Variants in ARPP19 observed in about 807,000 individuals in gnomAD.
ARPP19 encodes cAMP-regulated phosphoprotein 19.
ARPP19 carries 8 observed loss-of-function variants against 12.0 expected under a neutral mutation model. The ratio of observed to expected loss-of-function variants is 0.67; its 90% CI spans 0.39 to 1.21. The LOEUF is 1.21. ARPP19 is among the 50% of genes most tolerant of loss of function. The pLI is 0.01. For missense variants in ARPP19, 102 were observed against 136.3 expected (o/e 0.75, Z 1.25); for synonymous variants, 47 against 50.4 (o/e 0.93, Z 0.29).
chr15:52,564,150 A>C, intron 1 of ARPP19: 1 of 1,437,328 alleles, frequency 7.0e-7, no homozygotes, highest in Non-Finnish European at 9.5e-7. Context: ...AACTGCTAAG[A>C]CGGCTAAGAG....
At chr15:52,559,587 A>G (rs2078013745) in intron 1 of ARPP19, among the ~76,000 whole-genome samples, 1 of 152,150 alleles carries the variant, frequency 6.6e-6, no homozygotes, top group Non-Finnish European at 1.5e-5. Context: ...TTTTAGCTAT[A>G]TGTGATTTTT....
chr15:52,554,910 A>C (rs1189745209), intron 2 of ARPP19, among the ~76,000 whole-genome samples: 1 of 152,126 alleles, frequency 6.6e-6, no homozygotes, highest in African/African-American at 2.4e-5. Context: ...GTACAACACA[A>C]GAAGAGACCT....
chr15:52,558,151 G>GA (rs917994504), intron 1 of ARPP19, among the ~76,000 whole-genome samples: 94 of 152,190 alleles, frequency 6.2e-4, no homozygotes, highest in African/African-American at 2.2e-3. Flanking sequence ...TACTGCAGAA[G>GA]AATTAATCAA....
chr15:52,556,222 A>G (rs1471048092), intron 2 of ARPP19, among the ~76,000 whole-genome samples: 1 of 152,284 alleles, frequency 6.6e-6, no homozygotes, highest in African/African-American at 2.4e-5. Context: ...CGATATCAGT[A>G]TATGAATGTA....
chr15:52,563,466 A>G (rs1446118230), intron 1 of ARPP19, among the ~76,000 whole-genome samples: 2 of 152,210 alleles, frequency 1.3e-5, no homozygotes, highest in African/African-American at 4.8e-5. Context: ...TCTTAAGAAC[A>G]GTATTTTTAA....
At chr15:52,559,404 C>T (rs572685168) in intron 1 of ARPP19, among the ~76,000 whole-genome samples, 1 of 152,280 alleles carries the variant, frequency 6.6e-6, no homozygotes, top group African/African-American at 2.4e-5. Flanking sequence ...TTTAAAATCT[C>T]AGCCCGTACA....
intron 1 of ARPP19, chr15:52,568,529 G>T: frequency 3.0e-6 from 1 of 328,224 alleles, no homozygotes; most frequent in Non-Finnish European, 5.5e-6. Context: ...TAACCAAATT[G>T]AGGCTTACAG....
At chr15:52,564,295 T>G in intron 1 of ARPP19, 79 of 1,316,642 alleles carry the variant, frequency 6.0e-5, no homozygotes, top group Non-Finnish European at 7.8e-5. Flanking sequence ...ACACCTGCAG[T>G]CCCAGCTACT....
In ARPP19 at chr15:52,551,777, T is replaced by C; in HGVS notation, c.*157A>G. 1 of 624,290 alleles carries C rather than the reference T, an allele frequency of 1.6e-6. No homozygotes were observed. Among genetic ancestry groups the C allele is most frequent in the Non-Finnish European group, 2.8e-6 (1 of 352,944 alleles). 38.7% of individuals were successfully genotyped at this position (624,290 alleles called of 1,614,324 possible). A position where few individuals can be genotyped will look rare whatever the true frequency, so the allele number is the denominator to read the frequency against. On this transcript the variant is annotated 3_prime_UTR_variant, in exon 3 of 3. Coordinates refer to ENST00000249822, the MANE Select transcript of ARPP19 (RefSeq NM_006628.6). The stretch of plus-strand genomic sequence containing the variant: ...GCACTGTTAAACTAATCAAAAACTC[T>C]ACACACGTATATTCCACAATAGCAG...
rs574914218 is a variant in ARPP19 at position 52,551,335 on chromosome 15, A to C, written c.*599T>G. ...ATATTAGCTTCAACGGCAGCTGTTAAGCACTAGAGTCACATAAGTTACACC... is the reference window on the plus strand; with the variant it reads ...ATATTAGCTTCAACGGCAGCTGTTACGCACTAGAGTCACATAAGTTACACC... On this transcript the variant is annotated 3_prime_UTR_variant, in exon 3 of 3. Transcript: ENST00000249822. The C allele has an allele frequency of 6.5e-6, 1 of 152,846 alleles. No homozygotes were observed. The highest frequency in any genetic ancestry group is 1.9e-4 in the East Asian group (1 of 5,188). 9.5% of individuals were successfully genotyped at this position (152,846 alleles called of 1,614,324 possible).
chr15:52,561,185 G>A (rs1343946987), intron 1 of ARPP19, among the ~76,000 whole-genome samples: 2 of 152,110 alleles, frequency 1.3e-5, no homozygotes, highest in Non-Finnish European at 2.9e-5. Flanking sequence ...GTGACTCCAC[G>A]TTTCTGGACC....
chr15:52,552,541 T>G (rs192505371), intron 2 of ARPP19, among the ~76,000 whole-genome samples: 1 of 139,534 alleles, frequency 7.2e-6, no homozygotes, highest in Non-Finnish European at 1.5e-5. Flanking sequence ...TGAGCCAAGA[T>G]TGCCCCACTG....
intron 2 of ARPP19, among the ~76,000 whole-genome samples, chr15:52,553,874 T>A (rs2077958219): frequency 1.3e-5 from 2 of 152,218 alleles, no homozygotes; most frequent in African/African-American, 2.4e-5. Context: ...CCAGACCTGG[T>A]CTATGGCCCA....
At chr15:52,569,094 C>CCCGCA, upstream of ARPP19, 1 of 558,056 alleles carries the variant, frequency 1.8e-6, no homozygotes, top group African/African-American at 2.0e-5. Flanking sequence ...GCCTGCCCCT[C>CCCGCA]CCGCACCGCA....
intron 2 of ARPP19, among the ~76,000 whole-genome samples, chr15:52,554,382 A>T (rs2077962893): frequency 6.6e-6 from 1 of 152,172 alleles, no homozygotes; most frequent in Non-Finnish European, 1.5e-5. Flanking sequence ...AAAGGCAGAG[A>T]TTCAGCAAAG....
intron 1 of ARPP19, among the ~76,000 whole-genome samples, chr15:52,565,964 C>T (rs922271115): frequency 3.3e-5 from 5 of 152,020 alleles, no homozygotes; most frequent in Non-Finnish European, 5.9e-5. Flanking sequence ...AAGCAATTCT[C>T]CTGCCTCAGC....
intron 1 of ARPP19, 177 bp downstream of exon 1, chr15:52,568,671 T>C (rs1486193458): frequency 4.5e-5 from 22 of 489,742 alleles, no homozygotes; most frequent in African/African-American, 8.3e-5. Flanking sequence ...ACGTTGGAAC[T>C]CCCAATTCGT....
intron 1 of ARPP19, among the ~76,000 whole-genome samples, chr15:52,562,109 C>G (rs968593828): frequency 6.6e-6 from 1 of 152,064 alleles, no homozygotes; most frequent in South Asian, 2.1e-4. Context: ...AAAGCAAAAA[C>G]TGACAGAACT....
intron 2 of ARPP19, among the ~76,000 whole-genome samples, chr15:52,556,223 T>C (rs1169406825): frequency 6.6e-6 from 1 of 152,174 alleles, no homozygotes; most frequent in East Asian, 1.9e-4. Context: ...GATATCAGTA[T>C]ATGAATGTAT....
Sources: allele counts gnomAD v4.1 joint callset (sites outside exome capture counted in the v4.1 genomes callset), GRCh38; gene constraint gnomAD v4.1.1; transcripts MANE v1.5; gene names NCBI Gene and HGNC (gene_info 2026-07-23, HGNC 2026-07-21).